NEGR1: variants seen among roughly 807,000 people sequenced by gnomAD.
NEGR1 encodes the protein neuronal growth regulator 1, also known as IgLON family member 4.
A neutral mutation model predicts 40.9 loss-of-function variants in NEGR1; 10 were observed. The ratio of observed to expected loss-of-function variants is 0.24; its 90% CI spans 0.15 to 0.42. The LOEUF (loss-of-function observed/expected upper bound fraction) is 0.42. Ranked by LOEUF, NEGR1 falls within the 10% of genes least tolerant of loss-of-function variation. NEGR1 has a pLI of 1.00. For missense variants in NEGR1, 352 were observed against 438.9 expected (o/e 0.80, Z 1.77); for synonymous variants, 185 against 166.8 (o/e 1.11, Z -0.84).
chr1:71,463,745 G>C (rs1339844969), intron 6 of NEGR1, among the ~76,000 whole-genome samples: 1 of 152,120 alleles, frequency 6.6e-6, no homozygotes, highest in Non-Finnish European at 1.5e-5. Context: ...CTTATTGTGA[G>C]ATATTGAAAG....
intron 2 of NEGR1, among the ~76,000 whole-genome samples, chr1:71,823,744 T>C (rs1186149483): frequency 6.6e-6 from 1 of 152,052 alleles, no homozygotes; most frequent in African/African-American, 2.4e-5. Context: ...GAAAAGCCTG[T>C]ACAGATAAAG....
intron 1 of NEGR1, among the ~76,000 whole-genome samples, chr1:72,051,857 C>A (rs1647064970): frequency 6.6e-6 from 1 of 151,372 alleles, no homozygotes; most frequent in Non-Finnish European, 1.5e-5. Flanking sequence ...TGAATCACTG[C>A]CTTTTTAAGA....
chr1:71,664,222 C>G (rs1652165070), intron 4 of NEGR1, among the ~76,000 whole-genome samples: 1 of 152,160 alleles, frequency 6.6e-6, no homozygotes, highest in African/African-American at 2.4e-5. Flanking sequence ...TCTTAGAATA[C>G]AATGCCTTTA....
At chr1:71,968,786 A>G (rs1030823391) in intron 1 of NEGR1, among the ~76,000 whole-genome samples, 1 of 150,370 alleles carries the variant, frequency 6.7e-6, no homozygotes, top group East Asian at 2.2e-4. Flanking sequence ...GGTACTCTAC[A>G]TGATGGCAAG....
At chr1:71,581,365 T>A (rs1478591462) in intron 6 of NEGR1, among the ~76,000 whole-genome samples, 2 of 152,208 alleles carry the variant, frequency 1.3e-5, no homozygotes, top group Non-Finnish European at 2.9e-5. Flanking sequence ...GCCATTACAT[T>A]AATGTCGACA....
chr1:71,404,065 A>G lies in NEGR1; in HGVS notation c.*3381T>C. 3.4e-6 allele frequency: 1 copy of G among 290,624 alleles called. No homozygotes were observed. Among genetic ancestry groups the G allele is most frequent in the South Asian group, 1.7e-4 (1 of 5,988 alleles). The allele number at this position is 290,624 out of a possible 1,614,324, so 18.0% of individuals were successfully genotyped here. On this transcript the variant is annotated 3_prime_UTR_variant, in exon 7 of 7. Transcript: ENST00000357731. ...GCTAAGCACAATGGATAAATTAACA[A>G]TTGTTCAGTAAATTTGATCATTATA...
At chr1:72,196,343 G>T (rs1323873614) in intron 1 of NEGR1, among the ~76,000 whole-genome samples, 1 of 152,012 alleles carries the variant, frequency 6.6e-6, no homozygotes, top group Non-Finnish European at 1.5e-5. Context: ...TCAGATAAGA[G>T]ATTTTCAACA....
intron 2 of NEGR1, among the ~76,000 whole-genome samples, chr1:71,830,636 A>G (rs1205977176): frequency 6.6e-6 from 1 of 151,900 alleles, no homozygotes; most frequent in Non-Finnish European, 1.5e-5. Flanking sequence ...AGAGTCAAAG[A>G]AAAAAACAGA....
intron 2 of NEGR1, among the ~76,000 whole-genome samples, chr1:71,918,254 A>AAAGAAG (rs754824242): frequency 1.5e-5 from 2 of 132,454 alleles, no homozygotes; most frequent in Non-Finnish European, 3.2e-5. Context: ...AAAAAAAAAA[A>AAAGAAG]AAGAAGAAGA....
intron 2 of NEGR1, among the ~76,000 whole-genome samples, chr1:71,819,546 G>A (rs1174930847): frequency 6.6e-6 from 1 of 151,304 alleles, no homozygotes; most frequent in East Asian, 2.0e-4. Context: ...TTGAAAGGAA[G>A]AATTGAAAGA....
At chr1:71,994,255 G>A (rs1646482032) in intron 1 of NEGR1, among the ~76,000 whole-genome samples, 1 of 152,110 alleles carries the variant, frequency 6.6e-6, no homozygotes, top group African/African-American at 2.4e-5. Context: ...ACGGCCTGGT[G>A]TGGTGGCTCA....
At chr1:71,988,512 GTCCGT>G (rs527274557) in intron 1 of NEGR1, among the ~76,000 whole-genome samples, 36 of 126,510 alleles carry the variant, frequency 2.8e-4, no homozygotes, top group Non-Finnish European at 5.1e-4. Flanking sequence ...GCAGTCCGCA[GTCCGT>G]CCTGGGCGAC....
At chr1:71,580,804 T>A (rs1484376946) in intron 6 of NEGR1, among the ~76,000 whole-genome samples, 2 of 152,108 alleles carry the variant, frequency 1.3e-5, no homozygotes, top group Admixed American at 6.5e-5. Context: ...TAATTGAAGA[T>A]AAGTGAGGTT....
At chr1:72,025,440 T>C (rs61767484) in intron 1 of NEGR1, among the ~76,000 whole-genome samples, 15,080 of 152,168 alleles carry the variant, frequency 0.099, 834 homozygotes, top group Middle Eastern at 0.18. Context: ...TCTAAAAGTA[T>C]TTATTAATTA....
rs2422134 is a variant in NEGR1, at chr1:72,049,018, G to T, written c.177-113707C>A. Among the ~76,000 whole-genome samples the T allele has an allele frequency of 3.3e-5, 5 of 151,210 alleles. No individual in the cohort carries two copies. In the South Asian group the frequency reaches 8.3e-4, roughly 25 times the overall value. ...TATAGTATAATGAAATAGGAAATTT[G>T]GGTGTCCACTTTAGAGTGGCTACCA... On this transcript the variant is annotated intron_variant, in intron 1 of 6. Coordinates refer to ENST00000357731, the MANE Select transcript of NEGR1 (RefSeq NM_173808.3).
chr1:71,793,290 A>ATATATATATATATATATATACATACAC (rs1657186718), intron 2 of NEGR1, among the ~76,000 whole-genome samples: 1 of 2,836 alleles, frequency 3.5e-4, no homozygotes, highest in Non-Finnish European at 1.2e-3. Flanking sequence ...TTGTATTTTT[A>ATATATATATATATATATATACATACAC]GTAGAGACAG....
At chr1:72,166,313 AC>A (rs1651762731) in intron 1 of NEGR1, among the ~76,000 whole-genome samples, 1 of 152,034 alleles carries the variant, frequency 6.6e-6, no homozygotes, top group Non-Finnish European at 1.5e-5. Context: ...AGAAAAGAGA[AC>A]CCTTGTACAC....
At chr1:71,989,610 T>C (rs1340960147) in intron 1 of NEGR1, among the ~76,000 whole-genome samples, 1 of 152,204 alleles carries the variant, frequency 6.6e-6, no homozygotes, top group Non-Finnish European at 1.5e-5. Context: ...CCTTCCAGCA[T>C]GCTTATTCTG....
intron 1 of NEGR1, among the ~76,000 whole-genome samples, chr1:72,247,492 C>T (rs1007936838): frequency 6.6e-5 from 10 of 152,192 alleles, no homozygotes; most frequent in Admixed American, 1.3e-4. Flanking sequence ...GACCTTCAAA[C>T]ATCCACAGAT....
Sources: gnomAD v4.1 joint callset for allele counts (sites outside exome capture counted in the v4.1 genomes callset) on GRCh38, gnomAD v4.1.1 for gene constraint, MANE v1.5 for transcripts, NCBI Gene and HGNC (gene_info 2026-07-23, HGNC 2026-07-21) for gene names.